The following RASGEF1C variants were observed in gnomAD, a reference collection of about 807,000 sequenced individuals.
RASGEF1C encodes ras-GEF domain-containing family member 1C.
A neutral mutation model predicts 58.1 loss-of-function variants in RASGEF1C; 27 were observed. That is an observed-to-expected ratio of 0.46 (90% CI 0.34 to 0.64). The LOEUF (loss-of-function observed/expected upper bound fraction) is 0.64. Ranked by LOEUF, RASGEF1C falls within the 30% of genes least tolerant of loss-of-function variation. RASGEF1C has a pLI of 0.01. For missense variants in RASGEF1C, 502 were observed against 605.1 expected, an observed-to-expected ratio of 0.83 and a Z score of 1.79; for synonymous variants, 243 against 246.3, an observed-to-expected ratio of 0.99 and a Z score of 0.13.
intron 12 of RASGEF1C, among the ~76,000 whole-genome samples, chr5:180,109,728 C>T (rs575592055): frequency 5.3e-5 from 8 of 152,206 alleles, no homozygotes; most frequent in Admixed American, 5.2e-4. Context: ...TGGAGTGATG[C>T]ACTTGGAAGA....
chr5:180,122,728 C>T (rs1408408649), intron 6 of RASGEF1C, among the ~76,000 whole-genome samples: 2 of 127,348 alleles, frequency 1.6e-5, no homozygotes, highest in South Asian at 2.5e-4. Flanking sequence ...GAAACAAGAG[C>T]GAAACTTCAT....
At chr5:180,103,658 G>T (rs1245887596) in intron 12 of RASGEF1C, among the ~76,000 whole-genome samples, 2 of 151,940 alleles carry the variant, frequency 1.3e-5, no homozygotes, top group Non-Finnish European at 2.9e-5. Context: ...TTTCTGATTT[G>T]TGTGTTACTT....
chr5:180,117,400 C>T (rs951675610), intron 10 of RASGEF1C, among the ~76,000 whole-genome samples: 3 of 152,236 alleles, frequency 2.0e-5, no homozygotes, highest in Admixed American at 6.5e-5. Context: ...CATTCCAACA[C>T]CAGCGATGTG....
intron 1 of RASGEF1C, among the ~76,000 whole-genome samples, chr5:180,204,663 C>T (rs1287910408): frequency 6.7e-6 from 1 of 149,246 alleles, no homozygotes; most frequent in Non-Finnish European, 1.5e-5. Context: ...TCTATCTCAT[C>T]TATCTATCTC....
chr5:180,113,864 A>ATGGAGGGATTGGGGATG (rs1766018265), intron 11 of RASGEF1C, among the ~76,000 whole-genome samples: 1 of 148,660 alleles, frequency 6.7e-6, no homozygotes, highest in African/African-American at 2.5e-5. Context: ...GATCGAGGAT[A>ATGGAGGGATTGGGGATG]GATGGAGGGA....
chr5:180,161,395 T>TAGCCCCGCGC (rs1766941275), intron 1 of RASGEF1C, among the ~76,000 whole-genome samples: 2 of 152,222 alleles, frequency 1.3e-5, no homozygotes, highest in African/African-American at 2.4e-5. Context: ...GAACTGGCCC[T>TAGCCCCGCGC]AGCCCCGCGC....
chr5:180,202,753 A>G (rs918885957), intron 1 of RASGEF1C, among the ~76,000 whole-genome samples: 1 of 146,900 alleles, frequency 6.8e-6, no homozygotes, highest in South Asian at 2.1e-4. Context: ...CCCAGGCTGG[A>G]GTGCAGTGGC....
intron 6 of RASGEF1C, among the ~76,000 whole-genome samples, chr5:180,126,287 G>A (rs1176050145): frequency 6.6e-6 from 1 of 151,926 alleles, no homozygotes; most frequent in African/African-American, 2.4e-5. Context: ...GGCGCCTGTA[G>A]TCCCAGCTAT....
At chr5:180,206,616 A>G (rs1049368360) in intron 1 of RASGEF1C, among the ~76,000 whole-genome samples, 22 of 152,236 alleles carry the variant, frequency 1.4e-4, no homozygotes, top group Admixed American at 3.9e-4. Context: ...AACATTAACA[A>G]TATAGGTGCA....
chr5:180,182,523 A>G (rs1472368395), intron 1 of RASGEF1C, among the ~76,000 whole-genome samples: 1 of 152,156 alleles, frequency 6.6e-6, no homozygotes, highest in Non-Finnish European at 1.5e-5. Context: ...GTCCCTGCCC[A>G]TGTCCTGCTG....
chr5:180,207,538 C>T (rs893530325), intron 1 of RASGEF1C, among the ~76,000 whole-genome samples: 11 of 152,148 alleles, frequency 7.2e-5, no homozygotes, highest in African/African-American at 2.7e-4. Flanking sequence ...CTGAAAAGGG[C>T]CAGGTCCCGG....
intron 6 of RASGEF1C, among the ~76,000 whole-genome samples, chr5:180,126,845 G>C (rs183307299): frequency 2.0e-5 from 3 of 152,304 alleles, no homozygotes; most frequent in African/African-American, 7.2e-5. Context: ...TTGGGGTCAA[G>C]AAAGTCCATT....
rs1282657183 is a variant in RASGEF1C at position 180,166,947 on chromosome 5, T to C, written c.-6-28889A>G. 2.0e-5 allele frequency among the ~76,000 whole-genome samples: 3 copies of C among 152,206 alleles called. No individual in the cohort carries two copies. The East Asian group carries it at 5.8e-4, about 29-fold the overall frequency. ...ACAGTCATTTGAACCATTCTTCCCT[T>C]ATAAGTAAAATATCATTTTTCTCTG... is the stretch of plus-strand genomic sequence containing the variant. On this transcript the variant is annotated intron_variant, in intron 1 of 13. Coordinates refer to ENST00000361132, the MANE Select transcript of RASGEF1C (RefSeq NM_175062.4).
chr5:180,165,732 T>A (rs1767011566), intron 1 of RASGEF1C, among the ~76,000 whole-genome samples: 1 of 148,368 alleles, frequency 6.7e-6, no homozygotes, highest in Non-Finnish European at 1.5e-5. Flanking sequence ...ACATTTTTAG[T>A]ATTTCATTTA....
intron 1 of RASGEF1C, among the ~76,000 whole-genome samples, chr5:180,152,505 T>G (rs1411467353): frequency 8.8e-4 from 121 of 137,012 alleles, no homozygotes; most frequent in Middle Eastern, 4.3e-3. Flanking sequence ...TAGGTGGGAA[T>G]TGAACAATGA....
chr5:180,185,362 A>G (rs1011038980), intron 1 of RASGEF1C, among the ~76,000 whole-genome samples: 2 of 151,938 alleles, frequency 1.3e-5, no homozygotes, highest in Non-Finnish European at 2.9e-5. Context: ...AGGTGGGCAG[A>G]TCACCTGAGG....
In RASGEF1C at chr5:180,137,661, G is replaced by A. The variant is rs767828528; in HGVS notation, c.229C>T (p.Arg77Trp). The A allele has an allele frequency of 3.7e-6, 6 of 1,612,848 alleles. No homozygotes were observed. The highest frequency in any genetic ancestry group is 2.2e-5 in the South Asian group (2 of 91,074). The change falls in exon 3 of 14, where the codon CGG becomes TGG. Residue 77 changes from arginine (R) to tryptophan (W), a missense_variant. Coordinates refer to ENST00000361132, the MANE Select transcript of RASGEF1C (RefSeq NM_175062.4). The surrounding 1 kb of genome is among the most constrained non-coding windows in gnomAD (Gnocchi z 4.1). ...TGGCAGACCCGGGCCAGGAGCTCCC[G>A]GGGCTCGATGAAGAGGCGAGAGCTC... ...LLSSRLFIEPRELLARVCHLC... is the reference protein window; with the variant it reads ...LLSSRLFIEPWELLARVCHLC...
At chr5:180,182,778 C>A (rs1393690747) in intron 1 of RASGEF1C, among the ~76,000 whole-genome samples, 1 of 152,180 alleles carries the variant, frequency 6.6e-6, no homozygotes, top group Non-Finnish European at 1.5e-5. Context: ...CAGAAAAGTT[C>A]TCCAAGTCCC....
chr5:180,118,241 CTG>C (rs1766101909), intron 10 of RASGEF1C, among the ~76,000 whole-genome samples: 2 of 152,204 alleles, frequency 1.3e-5, no homozygotes, highest in East Asian at 1.9e-4. Context: ...AGCCTGGAAA[CTG>C]TAGTGTGGCA....
Sources: allele counts gnomAD v4.1 joint callset (sites outside exome capture counted in the v4.1 genomes callset), GRCh38; gene constraint gnomAD v4.1.1; non-coding constraint Gnocchi (gnomAD v3.1); transcripts MANE v1.5; gene names NCBI Gene and HGNC (gene_info 2026-07-23, HGNC 2026-07-21).